Variants in RTL4 observed in about 807,000 individuals in gnomAD.
RTL4 encodes the protein retrotransposon Gag like 4, also known as retrotransposon Gag-like protein 4.
A neutral mutation model predicts 5.3 loss-of-function variants in RTL4; 4 were observed. That is an observed-to-expected ratio of 0.75 (90% CI 0.37 to 1.72). The LOEUF (loss-of-function observed/expected upper bound fraction) is 1.72, where lower values mean the gene tolerates loss of function less well. Among genes scored for constraint, RTL4 ranks in the 40% most tolerant of loss-of-function variants. The pLI is 0.04. For synonymous variants in RTL4, 98 were observed against 87.3 expected (o/e 1.12, Z -0.68); for missense variants, 260 against 227.1 (o/e 1.14, Z -0.93).
chrX:112,226,989 CAAAAT>C, the RTL4 span, among the ~76,000 whole-genome samples: 26 of 95,721 alleles, frequency 2.7e-4, no homozygotes, highest in South Asian at 9.7e-4. Context: ...TAAAATAAAA[CAAAAT>C]AAAATAAAAT....
chrX:112,395,753 A>G, the RTL4 span, among the ~76,000 whole-genome samples: 1 of 111,419 alleles, frequency 9.0e-6, no homozygotes, highest in Non-Finnish European at 1.9e-5. Flanking sequence ...TTTAGAGGGC[A>G]GAATTATCCT....
chrX:112,313,919 A>C, the RTL4 span, among the ~76,000 whole-genome samples: 1 of 111,161 alleles, frequency 9.0e-6, no homozygotes, highest in East Asian at 2.8e-4. Context: ...TAGAGGGGAA[A>C]GGGAGATCAA....
At chrX:112,250,201 C>G in the RTL4 span, among the ~76,000 whole-genome samples, 1 of 109,496 alleles carries the variant, frequency 9.1e-6, no homozygotes, top group Admixed American at 9.7e-5. Context: ...ATGGCGTGAA[C>G]CCGGGAGGCG....
the RTL4 span, among the ~76,000 whole-genome samples, chrX:112,426,827 G>A: frequency 9.1e-6 from 1 of 110,380 alleles, no homozygotes; most frequent in Admixed American, 9.7e-5. Context: ...TCAGTACAAC[G>A]TTGAACAAAC....
the RTL4 span, among the ~76,000 whole-genome samples, chrX:112,444,081 G>C: frequency 1.8e-5 from 2 of 111,840 alleles, no homozygotes; most frequent in African/African-American, 6.5e-5. Flanking sequence ...TGAGGTCTTA[G>C]ATTTAAGTCT....
chrX:112,089,783 A>G, the RTL4 span, among the ~76,000 whole-genome samples: 4 of 111,530 alleles, frequency 3.6e-5, no homozygotes, highest in Non-Finnish European at 7.6e-5. Context: ...TCTTCAAAAA[A>G]ATCCTTTAGG....
the RTL4 span, among the ~76,000 whole-genome samples, chrX:112,178,502 G>C: frequency 8.9e-6 from 1 of 111,979 alleles, no homozygotes; most frequent in East Asian, 2.8e-4. Context: ...GTGAACACTA[G>C]GGGAAACTGA....
chrX:112,224,403 G>A, the RTL4 span, among the ~76,000 whole-genome samples: 7 of 107,988 alleles, frequency 6.5e-5, no homozygotes, highest in Middle Eastern at 4.3e-3. Context: ...GTGCAGTGGC[G>A]CTGTCTTAGC....
chrX:112,362,487 C>A, the RTL4 span, among the ~76,000 whole-genome samples: 1 of 111,584 alleles, frequency 9.0e-6, no homozygotes, highest in Non-Finnish European at 1.9e-5. Context: ...TTCTTCAGAT[C>A]TTCATGTGAA....
the RTL4 span, among the ~76,000 whole-genome samples, chrX:112,208,194 A>C: frequency 8.9e-6 from 1 of 111,808 alleles, no homozygotes; most frequent in Non-Finnish European, 1.9e-5. Context: ...TTGGCCAATA[A>C]TTGTTTGTGT....
At chrX:112,109,405 G>A in the RTL4 span, among the ~76,000 whole-genome samples, 16,482 of 111,043 alleles carry the variant, frequency 0.15, 1,778 homozygotes, top group African/African-American at 0.38. Context: ...CAGTGTGAAA[G>A]GGGACCCGAG....
chrX:112,434,065 T>G, the RTL4 span, among the ~76,000 whole-genome samples: 6 of 100,777 alleles, frequency 6.0e-5, no homozygotes, highest in South Asian at 4.8e-4. Context: ...AACCAGCCTT[T>G]CATCCCAGGG....
chrX:112,315,247 T>G, the RTL4 span, among the ~76,000 whole-genome samples: 5 of 111,379 alleles, frequency 4.5e-5, no homozygotes, highest in African/African-American at 1.3e-4. Flanking sequence ...GCAGGCTCCT[T>G]TGGCCTAGAT....
the RTL4 span, among the ~76,000 whole-genome samples, chrX:112,273,354 C>T: frequency 2.8e-5 from 3 of 108,861 alleles, no homozygotes; most frequent in East Asian, 2.9e-4. Flanking sequence ...CCCGGGTTCA[C>T]GCCATTCTCC....
the RTL4 span, among the ~76,000 whole-genome samples, chrX:112,252,922 C>A: frequency 9.0e-6 from 1 of 111,363 alleles, no homozygotes; most frequent in African/African-American, 3.3e-5. Context: ...CTAATGAGGG[C>A]TAACAGTTTA....
the RTL4 span, among the ~76,000 whole-genome samples, chrX:112,367,942 TG>T: frequency 8.9e-6 from 1 of 111,947 alleles, no homozygotes; most frequent in African/African-American, 3.2e-5. Context: ...AGTCTGAAAA[TG>T]AAAAATAATT....
the RTL4 span, among the ~76,000 whole-genome samples, chrX:112,263,903 T>G: frequency 2.1e-4 from 24 of 111,840 alleles, no homozygotes; most frequent in African/African-American, 7.8e-4. Flanking sequence ...TTTTGTCAAT[T>G]AAATATTTTA....
chrX:112,299,085 T>A, the RTL4 span, among the ~76,000 whole-genome samples: 2 of 112,125 alleles, frequency 1.8e-5, no homozygotes, highest in South Asian at 7.6e-4. Context: ...AACTCTGAGA[T>A]TTGAGAGTTG....
At chrX:112,355,859 T>C in the RTL4 span, among the ~76,000 whole-genome samples, 1 of 111,831 alleles carries the variant, frequency 8.9e-6, no homozygotes, top group Admixed American at 9.5e-5. Context: ...TTGGTCTGCT[T>C]ATTCTGTACA....
Sources: gnomAD v4.1 joint callset for allele counts (sites outside exome capture counted in the v4.1 genomes callset) on GRCh38, gnomAD v4.1.1 for gene constraint, MANE v1.5 for transcripts, NCBI Gene and HGNC (gene_info 2026-07-23, HGNC 2026-07-21) for gene names.